The following SCAF1 variants were observed in gnomAD, a reference collection of about 807,000 sequenced individuals.
SCAF1 encodes the protein splicing factor, arginine/serine-rich 19.
SCAF1 carries 28 observed loss-of-function variants against 91.2 expected under a neutral mutation model. That is an observed-to-expected ratio of 0.31 (90% CI 0.23 to 0.42). SCAF1 has a LOEUF of 0.42. Among genes scored for constraint, SCAF1 ranks in the 10% least tolerant of loss-of-function variants. SCAF1 has a pLI of 1.00. For synonymous variants in SCAF1, 1,036 were observed against 833.7 expected (o/e 1.24, Z -4.18); for missense variants, 1,893 against 1,872.1 (o/e 1.01, Z -0.21).
chr19:49,653,611 A>G lies in SCAF1; in HGVS notation c.3222A>G (p.Pro1074=). ...TAGDSGAEDG[P]ASRVSQLPTL... ...GTGACTCGGGGGCGGAGGACGGGCC[A>G]GCTTCCCGTGTCTCCCAGCTGCCCA... The change falls in exon 7 of 11, where the codon CCA becomes CCG. Residue 1074 remains proline, a synonymous_variant. Coordinates refer to ENST00000360565, the MANE Select transcript of SCAF1 (RefSeq NM_021228.3). 6.3e-7 allele frequency: 1 copy of G among 1,585,144 alleles called. No homozygotes were observed. Among genetic ancestry groups the G allele is most frequent in the South Asian group, 1.1e-5 (1 of 88,024 alleles).
intron 10 of SCAF1, 131 bp downstream of exon 10, chr19:49,658,020 G>C (rs954356988): frequency 7.3e-7 from 1 of 1,361,708 alleles, no homozygotes. Context: ...AGGGTGACAG[G>C]ATTTTCTCAA....
At chr19:49,650,790 T>G in intron 6 of SCAF1, 78 bp from the exon 7 acceptor site, 1 of 1,201,512 alleles carries the variant, frequency 8.3e-7, no homozygotes, top group Non-Finnish European at 1.2e-6. Context: ...CCAGGGAGTG[T>G]CCACGGCTGG....
At position 49,653,604 on chromosome 19, in the gene SCAF1, A is replaced by G. The variant is rs1346684637; in HGVS notation, c.3215A>G (p.Asp1072Gly). ...GSTAGDSGAE[D>G]GPASRVSQLP... ...ACAGCCGGTGACTCGGGGGCGGAGGACGGGCCAGCTTCCCGTGTCTCCCAG... is the reference window on the plus strand; with the variant it reads ...ACAGCCGGTGACTCGGGGGCGGAGGGCGGGCCAGCTTCCCGTGTCTCCCAG... The change falls in exon 7 of 11, where the codon GAC becomes GGC. Residue 1072 changes from aspartate (D) to glycine (G), a missense_variant. Around this residue, in one of 5 missense-constraint regions of SCAF1, gnomAD observed 1,436 missense variants for 1,306.8 expected, o/e 1.10. Coordinates refer to ENST00000360565, the MANE Select transcript of SCAF1 (RefSeq NM_021228.3). 6.3e-7 allele frequency: 1 copy of G among 1,583,322 alleles called. No individual in the cohort carries two copies. Among genetic ancestry groups the G allele is most frequent in the Non-Finnish European group, 8.5e-7 (1 of 1,170,212 alleles).
At chr19:49,644,100 A>C (rs778331970) in intron 1 of SCAF1, among the ~76,000 whole-genome samples, 3 of 152,204 alleles carry the variant, frequency 2.0e-5, no homozygotes, top group African/African-American at 7.2e-5. Flanking sequence ...AGATGCTCCT[A>C]TTTCGTGCAT....
In SCAF1 at chr19:49,650,883, ACTC is replaced by A; in HGVS notation, c.498_500del (p.Ser167del). On this transcript the variant is annotated inframe_deletion, in exon 7 of 11. Coordinates refer to ENST00000360565, the MANE Select transcript of SCAF1 (RefSeq NM_021228.3). ...TCCTTTGCAGTTTCTCCACAGTCGAACTCCTCTAGGCCCACCTGTGCCCGTCAC... is the reference window on the plus strand; with the variant it reads ...TCCTTTGCAGTTTCTCCACAGTCGAACTCTAGGCCCACCTGTGCCCGTCAC... The A allele has an allele frequency of 6.2e-7, 1 of 1,609,380 alleles. No homozygotes were observed. The highest frequency in any genetic ancestry group is 8.5e-7 in the Non-Finnish European group (1 of 1,178,002).
intron 7 of SCAF1, 75 bp downstream of exon 7, chr19:49,653,780 G>A: frequency 1.5e-6 from 2 of 1,351,462 alleles, no homozygotes; most frequent in Non-Finnish European, 1.9e-6. Flanking sequence ...AGACTTAGAG[G>A]CAGTGGGGTG....
At chr19:49,656,026 C>T (rs2081136951) in intron 9 of SCAF1, among the ~76,000 whole-genome samples, 1 of 152,370 alleles carries the variant, frequency 6.6e-6, no homozygotes, top group Non-Finnish European at 1.5e-5. Context: ...CGTTGGCCAC[C>T]CTTACACAGC....
chr19:49,654,766 C>T lies in SCAF1; in HGVS notation c.3514C>T (p.Leu1172=). ...SSYLLPGSLP[L]GGCGSTPPTP... is the part of the protein sequence containing the mutation. The stretch of plus-strand genomic sequence containing the variant: ...CTACCTGCTTCCTGGCAGCCTCCCT[C>T]TGGGGGGCTGCGGTTCGACCCCCCC... The change falls in exon 9 of 11, where the codon CTG becomes TTG. Residue 1172 remains leucine, a synonymous_variant. Coordinates refer to ENST00000360565, the MANE Select transcript of SCAF1 (RefSeq NM_021228.3). The T allele has an allele frequency of 6.2e-7, 1 of 1,613,112 alleles. No homozygotes were observed. The highest frequency in any genetic ancestry group is 1.7e-5 in the Admixed American group (1 of 60,010).
Position 49,651,060 on chromosome 19 carries a change from G to T in SCAF1, c.671G>T (p.Arg224Leu). 1.2e-6 allele frequency: 1 copy of T among 836,470 alleles called. No homozygotes were observed. Among genetic ancestry groups the T allele is most frequent in the Middle Eastern group, 3.0e-4 (1 of 3,324 alleles). 51.8% of individuals were successfully genotyped at this position (836,470 alleles called of 1,614,324 possible). ...PPAPPAPPAP[R>L]FDIYDPFHPT... ...GCACCCCCAGCCCCACCTGCCCCCC[G>T]ATTCGATATCTATGACCCCTTCCAC... The change falls in exon 7 of 11, where the codon CGA becomes CTA. Residue 224 changes from arginine (R) to leucine (L), a missense_variant. By Grantham distance (102) the Arg-to-Leu change is moderately radical. Transcript: ENST00000360565.
Position 49,651,880 on chromosome 19 carries a change from C to T in SCAF1, c.1491C>T (p.Arg497=), listed in dbSNP as rs1282417265. The change falls in exon 7 of 11, where the codon CGC becomes CGT. Residue 497 remains arginine (R), a synonymous_variant. Transcript: ENST00000360565. ...AACGGCGGGAGCGCTACCGCCAGCG[C>T]TCGCCCTCCCCGGCGCCCGCGCCCG... The part of the protein sequence containing the change: ...LTQRRERYRQ[R]SPSPAPAPAP... 59 of 1,211,686 alleles carry T rather than the reference C, an allele frequency of 4.9e-5. No individual in the cohort carries two copies. Among genetic ancestry groups the T allele is most frequent in the Non-Finnish European group, 5.9e-5 (57 of 971,480 alleles). The allele number at this position is 1,211,686 out of a possible 1,614,324, so 75.1% of individuals were successfully genotyped here. A position where few individuals can be genotyped will look rare whatever the true frequency, so the allele number is the denominator to read the frequency against.
intron 9 of SCAF1, among the ~76,000 whole-genome samples, chr19:49,657,463 C>T (rs1242569184): frequency 2.0e-5 from 3 of 152,272 alleles, no homozygotes; most frequent in Non-Finnish European, 4.4e-5. Flanking sequence ...GTCTTCTCAT[C>T]AGACTGAACT....
In SCAF1 at chr19:49,654,643, G is replaced by A. The variant is rs772526006; in HGVS notation, c.3400-9G>A. 84 of 1,606,922 alleles carry A rather than the reference G, an allele frequency of 5.2e-5. No homozygotes were observed. Among genetic ancestry groups the A allele is most frequent in the African/African-American group, 6.7e-5 (5 of 74,716 alleles). ...CTTTACTCATCACCCCTCTGTCCTC[G>A]TCCCACAGATCCTCAGCCACAGAAA... On this transcript the variant is annotated splice_polypyrimidine_tract_variant and intron_variant, in intron 8 of 10. Coordinates refer to ENST00000360565, the MANE Select transcript of SCAF1 (RefSeq NM_021228.3).
chr19:49,655,319 C>T (rs1053583805), intron 9 of SCAF1, among the ~76,000 whole-genome samples: 1 of 152,160 alleles, frequency 6.6e-6, no homozygotes, highest in African/African-American at 2.4e-5. Flanking sequence ...GCTCCTACTC[C>T]TGGGCTCTGG....
At chr19:49,655,018 TC>T (rs1049445416) in intron 9 of SCAF1, 148 bp downstream of exon 9, 4 of 642,410 alleles carry the variant, frequency 6.2e-6, no homozygotes, top group Non-Finnish European at 1.0e-5. Flanking sequence ...CATAAGGAAC[TC>T]CACTTTGCTG....
intron 6 of SCAF1, among the ~76,000 whole-genome samples, chr19:49,649,670 T>C (rs1004437652): frequency 2.0e-5 from 3 of 151,956 alleles, no homozygotes; most frequent in African/African-American, 7.3e-5. Flanking sequence ...TAATTTGGTA[T>C]TTTTAGTAGA....
rs531077003 is a variant in SCAF1 at position 49,653,626 on chromosome 19, C to T, written c.3237C>T (p.Ser1079=). The change falls in exon 7 of 11, where the codon TCC becomes TCT. Residue 1079 remains serine, a synonymous_variant. Transcript: ENST00000360565. ...AGGACGGGCCAGCTTCCCGTGTCTC[C>T]CAGCTGCCCACGTTGCCCCCGCCCA... ...GAEDGPASRV[S]QLPTLPPPMP... 6.9e-6 allele frequency: 11 copies of T among 1,588,262 alleles called. No individual in the cohort carries two copies. In the Admixed American group the frequency reaches 1.6e-4, roughly 22 times the overall value.
upstream of SCAF1, among the ~76,000 whole-genome samples, chr19:49,640,720 A>C (rs1464532838): frequency 1.3e-5 from 2 of 152,128 alleles, no homozygotes; most frequent in Non-Finnish European, 2.9e-5. Context: ...AGCCAAGCGG[A>C]AGACAGACTG....
In SCAF1 at chr19:49,653,256, C is replaced by T. The variant is rs1331679703; in HGVS notation, c.2867C>T (p.Thr956Ile). The T allele has an allele frequency of 4.0e-6, 6 of 1,488,514 alleles. No homozygotes were observed. The highest frequency in any genetic ancestry group is 5.4e-6 in the Non-Finnish European group (6 of 1,117,352). The allele number at this position is 1,488,514 out of a possible 1,614,324, so 92.2% of individuals were successfully genotyped here. A position where few individuals can be genotyped will look rare whatever the true frequency, so the allele number is the denominator to read the frequency against. Reference protein sequence around the residue: ...KADSCSQAAGTKGAEETSWSG... With the variant: ...KADSCSQAAGIKGAEETSWSG... ...GATAGCTGCAGCCAGGCGGCAGGCA[C>T]CAAGGGGGCGGAGGAGACTTCCTGG... Residue 956 changes from threonine to isoleucine, a missense_variant, in exon 7 of 11, where the codon ACC becomes ATC. Physicochemically the swap from Thr to Ile is moderately conservative, Grantham distance 89 (BLOSUM62 -1). Around this residue, in one of 5 missense-constraint regions of SCAF1, gnomAD observed 1,436 missense variants for 1,306.8 expected, o/e 1.10. Coordinates refer to ENST00000360565, the MANE Select transcript of SCAF1 (RefSeq NM_021228.3).
At chr19:49,643,987 A>G (rs1159783307) in intron 1 of SCAF1, among the ~76,000 whole-genome samples, 1 of 152,190 alleles carries the variant, frequency 6.6e-6, no homozygotes, top group Non-Finnish European at 1.5e-5. Context: ...CTGGGCGTTA[A>G]GGGCTAATAG....
Sources: allele counts gnomAD v4.1 joint callset (sites outside exome capture counted in the v4.1 genomes callset), GRCh38; gene constraint gnomAD v4.1.1; regional missense constraint gnomAD v4.1.1; transcripts MANE v1.5; gene names NCBI Gene and HGNC (gene_info 2026-07-23, HGNC 2026-07-21).